The following KIF20B variants were observed in gnomAD, a reference collection of about 807,000 sequenced individuals.
The protein encoded by KIF20B is kinesin-like protein KIF20B.
KIF20B carries 188 observed loss-of-function variants against 232.5 expected under a neutral mutation model. The ratio of observed to expected loss-of-function variants is 0.81; its 90% CI spans 0.72 to 0.91. KIF20B has a LOEUF of 0.91. Among genes scored for constraint, KIF20B ranks in the 40% least tolerant of loss-of-function variants. The pLI is 0.00. For synonymous variants in KIF20B, 712 were observed against 683.0 expected, an observed-to-expected ratio of 1.04 and a Z score of -0.66; for missense variants, 2,154 against 2,055.9, an observed-to-expected ratio of 1.05 and a Z score of -0.92.
At chr10:89,711,416 A>AT (rs1362948233) in intron 6 of KIF20B, among the ~76,000 whole-genome samples, 4 of 152,126 alleles carry the variant, frequency 2.6e-5, no homozygotes, top group Admixed American at 2.6e-4. Context: ...TTATGTAATG[A>AT]TTTTTTAAAA....
intron 26 of KIF20B, among the ~76,000 whole-genome samples, chr10:89,757,817 A>G (rs1393447671): frequency 6.6e-6 from 1 of 150,482 alleles, no homozygotes; most frequent in East Asian, 1.9e-4. Context: ...GTGTTGTAAG[A>G]TTAGGGTTGG....
At chr10:89,772,259 A>G (rs1842477616) in intron 31 of KIF20B, among the ~76,000 whole-genome samples, 1 of 152,074 alleles carries the variant, frequency 6.6e-6, no homozygotes. Context: ...AAGGGTTTAC[A>G]AAGTATTTTC....
chr10:89,709,525 C>A, intron 4 of KIF20B, 64 bp downstream of exon 4: 1 of 1,052,196 alleles, frequency 9.5e-7, no homozygotes, highest in South Asian at 1.3e-5. Context: ...GGCTAAATTG[C>A]TATATAATTG....
At position 89,774,538 on chromosome 10, in the gene KIF20B, T is replaced by A. The variant is rs183171842; in HGVS notation, c.*490T>A. On this transcript the variant is annotated 3_prime_UTR_variant, in exon 33 of 33. Transcript: ENST00000371728. ...TCTTTAATTAGAATGTCTCACTTAT[T>A]TTGTAAACATTTTGTGGGTACATAG... 3.4e-4 allele frequency: 52 copies of A among 152,206 alleles called. No homozygotes were observed. Among genetic ancestry groups the A allele is most frequent in the African/African-American group, 1.2e-3 (51 of 41,574 alleles). 9.4% of individuals were successfully genotyped at this position (152,206 alleles called of 1,614,324 possible).
chr10:89,743,515 A>T (rs1841848849), intron 21 of KIF20B, among the ~76,000 whole-genome samples: 1 of 152,270 alleles, frequency 6.6e-6, no homozygotes, highest in South Asian at 2.1e-4. Flanking sequence ...TTTCCCTATT[A>T]TGTATAGATG....
intron 29 of KIF20B, among the ~76,000 whole-genome samples, chr10:89,764,405 T>C (rs1034683970): frequency 6.6e-6 from 1 of 152,208 alleles, no homozygotes; most frequent in Non-Finnish European, 1.5e-5. Context: ...CCTTTGGGTA[T>C]ATACCCAGTA....
At chr10:89,743,487 A>G (rs1343022615) in intron 21 of KIF20B, among the ~76,000 whole-genome samples, 2 of 152,030 alleles carry the variant, frequency 1.3e-5, no homozygotes, top group African/African-American at 4.8e-5. Flanking sequence ...ATCTTTATTG[A>G]TTTTTCCTTG....
intron 29 of KIF20B, chr10:89,766,232 C>T (rs1188916388): frequency 1.3e-5 from 2 of 152,136 alleles, no homozygotes; most frequent in East Asian, 1.9e-4. Context: ...AACTTCCCTT[C>T]TCGCTTCATT....
intron 11 of KIF20B, among the ~76,000 whole-genome samples, chr10:89,718,091 T>C (rs1467645133): frequency 2.6e-5 from 4 of 152,258 alleles, no homozygotes. Context: ...TGAGTAAATA[T>C]AAATCAGCCT....
intron 21 of KIF20B, among the ~76,000 whole-genome samples, chr10:89,741,115 G>C (rs1841785781): frequency 6.6e-6 from 1 of 152,212 alleles, no homozygotes; most frequent in Non-Finnish European, 1.5e-5. Flanking sequence ...CCTACAACTA[G>C]ACGGTCCCAT....
intron 19 of KIF20B, among the ~76,000 whole-genome samples, chr10:89,733,343 A>G (rs555120262): frequency 2.0e-5 from 3 of 152,146 alleles, no homozygotes; most frequent in Non-Finnish European, 4.4e-5. Flanking sequence ...CTTTGATTTT[A>G]TAAATATAGT....
intron 26 of KIF20B, 64 bp downstream of exon 26, chr10:89,754,737 T>C (rs1842086915): frequency 1.6e-6 from 2 of 1,236,170 alleles, no homozygotes; most frequent in South Asian, 2.3e-5. Context: ...AATGTATTGC[T>C]GGAATTAACA....
rs1842788641 is a variant in KIF20B at position 89,709,232 on chromosome 10, A to G, written c.213A>G (p.Ser71=). 2 of 1,610,438 alleles carry G rather than the reference A, an allele frequency of 1.2e-6. No homozygotes were observed. Among genetic ancestry groups the G allele is most frequent in the Non-Finnish European group, 1.7e-6 (2 of 1,177,760 alleles). ...TTCGAATAAGACCATTTACACAGTC[A>G]GAAAAAGAACTTGAGTCTGAGGTTT... The part of the protein sequence containing the change: ...VCLRIRPFTQ[S]EKELESEGCV... The change falls in exon 3 of 33, where the codon TCA becomes TCG. Residue 71 remains serine, a synonymous_variant. Coordinates refer to ENST00000371728, the MANE Select transcript of KIF20B (RefSeq NM_001284259.2).
At position 89,752,683 on chromosome 10, in the gene KIF20B, G is replaced by T; in HGVS notation, c.4339G>T (p.Glu1447Ter). 1 of 1,568,096 alleles carries T rather than the reference G, an allele frequency of 6.4e-7. No individual in the cohort carries two copies. The highest frequency in any genetic ancestry group is 1.2e-5 in the South Asian group (1 of 83,386). The change falls in exon 25 of 33, where the codon GAG (glutamate) becomes TAG (stop). Residue 1447 changes from glutamate to a stop codon, truncating the protein, a stop_gained. Coordinates refer to ENST00000371728, the MANE Select transcript of KIF20B (RefSeq NM_001284259.2). LOFTEE classifies it high-confidence loss of function. Reference protein sequence around the residue: ...VLGKLTNLQDELQESEQKYNA... With the variant: ...VLGKLTNLQD Reference sequence around the variant, plus strand: ...TGGAAAGCTCACTAATCTTCAAGATGAGTTACAGGTATGACTTTATGTATG... The same window carrying T: ...TGGAAAGCTCACTAATCTTCAAGATTAGTTACAGGTATGACTTTATGTATG...
At position 89,717,429 on chromosome 10, in the gene KIF20B, G is replaced by C. The variant is rs760714022; in HGVS notation, c.1058G>C (p.Ser353Thr). The change falls in exon 10 of 33, where the codon AGC (serine) becomes ACC (threonine). Residue 353 changes from serine to threonine, a missense_variant. Ser to Thr is a moderately conservative substitution (Grantham distance 58). Transcript: ENST00000371728. ...KLNNASSRSH[S>T]IFTVKILQIE... ...ATTTGATCTTTGTATTTCAGTCACA[G>C]CATATTCACTGTTAAAATATTACAG... 3.8e-5 allele frequency: 60 copies of C among 1,569,368 alleles called. No individual in the cohort carries two copies. The highest frequency in any genetic ancestry group is 6.8e-5 in the Admixed American group (4 of 59,162).
intron 32 of KIF20B, 35 bp from the exon 33 acceptor site, chr10:89,773,936 C>G (rs771917047): frequency 8.0e-7 from 1 of 1,249,794 alleles, no homozygotes; most frequent in African/African-American, 1.5e-5. Context: ...TTTTCACTTA[C>G]AAGCTTTGAA....
chr10:89,723,963 GAA>G lies in KIF20B; in HGVS notation c.1724_1725del (p.Lys575ThrfsTer15). On this transcript the variant is annotated frameshift_variant and splice_region_variant, in exon 14 of 33. Transcript: ENST00000371728. LOFTEE classifies it high-confidence loss of function. ...KAFISHEEKR[K>X]LLDLIEDLKK... Reference sequence around the variant, plus strand: ...AGAATTTTATCATTTACATGTAATAGAAACTGTTGGACTTAATAGAAGACTTG... The same window carrying G: ...AGAATTTTATCATTTACATGTAATAGACTGTTGGACTTAATAGAAGACTTG... 6.6e-7 allele frequency: 1 copy of G among 1,508,182 alleles called. No homozygotes were observed. Among genetic ancestry groups the G allele is most frequent in the Non-Finnish European group, 8.9e-7 (1 of 1,121,670 alleles). The allele number at this position is 1,508,182 out of a possible 1,614,324, so 93.4% of individuals were successfully genotyped here. A position where few individuals can be genotyped will look rare whatever the true frequency, so the allele number is the denominator to read the frequency against.
rs1842992019 is a variant in KIF20B at position 89,718,952 on chromosome 10, T to A, written c.1434+80T>A. The A allele has an allele frequency of 6.9e-6, 6 of 864,374 alleles. 1 individual carries two copies. The South Asian group carries it at 1.4e-4, about 20-fold the overall frequency. The allele number at this position is 864,374 out of a possible 1,614,324, so 53.5% of individuals were successfully genotyped here. On this transcript the variant is annotated intron_variant, in intron 12 of 32. Transcript: ENST00000371728. ...GAAATAAATATTTTTTACTTAATAC[T>A]GTAAGCCTAGGAAATAATTGAAAAT...
intron 20 of KIF20B, 23 bp from the exon 21 acceptor site, chr10:89,738,935 G>A: frequency 1.2e-6 from 2 of 1,604,322 alleles, no homozygotes; most frequent in Admixed American, 1.8e-5. Context: ...CATTACCATA[G>A]AAAAGTGGTT....
Sources: gnomAD v4.1 joint callset for allele counts (sites outside exome capture counted in the v4.1 genomes callset) on GRCh38, gnomAD v4.1.1 for gene constraint, MANE v1.5 for transcripts, NCBI Gene and HGNC (gene_info 2026-07-23, HGNC 2026-07-21) for gene names.